Variants in BRD4 observed in about 807,000 individuals in gnomAD.
BRD4 encodes the protein bromodomain containing 4, also known as bromodomain-containing protein 4.
In BRD4, 16 loss-of-function variants were observed where a neutral mutation model predicts 142.1. That is an observed-to-expected ratio of 0.11 (90% CI 0.08 to 0.17). BRD4 has a LOEUF of 0.17. Among genes scored for constraint, BRD4 ranks in the 10% least tolerant of loss-of-function variants. The pLI is 1.00. For missense variants in BRD4, 1,424 were observed against 1,810.9 expected (o/e 0.79, Z 3.88); for synonymous variants, 833 against 707.5 (o/e 1.18, Z -2.82).
intron 11 of BRD4, among the ~76,000 whole-genome samples, chr19:15,246,854 G>A (rs955481950): frequency 6.6e-6 from 1 of 152,136 alleles, no homozygotes; most frequent in Admixed American, 6.5e-5. Flanking sequence ...AGAGAAGGCG[G>A]CATGTGCACG....
Position 15,328,765 on chromosome 19 carries a change from T to C in BRD4, c.-35+3525A>G, listed in dbSNP as rs2048131526. 2.6e-5 allele frequency among the ~76,000 whole-genome samples: 4 copies of C among 152,136 alleles called. No homozygotes were observed. The South Asian group carries it at 8.3e-4, about 32-fold the overall frequency. On this transcript the variant is annotated intron_variant, in intron 1 of 19. Transcript: ENST00000679869. The stretch of plus-strand genomic sequence containing the variant: ...AACAAAACCCTGCCCTCATCCAACT[T>C]ACATTCTGGTTTTGTTTTTTGTTTT...
chr19:15,296,731 C>CT lies in BRD4; in HGVS notation c.-34-23599dup, dbSNP rs754025680. ...AGCACCACTCCGTCCAGCGGCAGAG[C>CT]TTTAAGTTGGAAAATCCAGGGGCAT... On this transcript the variant is annotated intron_variant, in intron 1 of 19. Coordinates refer to ENST00000679869, the MANE Select transcript of BRD4 (RefSeq NM_001379291.1). Among the ~76,000 whole-genome samples, 299 of 152,310 alleles carry CT rather than the reference C, an allele frequency of 2.0e-3. 2 individuals are homozygous for CT. The Middle Eastern group carries it at 0.048, about 24-fold the overall frequency.
At chr19:15,289,792 G>A (rs368339740) in intron 1 of BRD4, among the ~76,000 whole-genome samples, 1 of 152,158 alleles carries the variant, frequency 6.6e-6, no homozygotes. Context: ...AAGTGTGCTT[G>A]TAAGGACACT....
intron 9 of BRD4, 55 bp from the exon 10 acceptor site, chr19:15,255,647 C>A: frequency 6.5e-7 from 1 of 1,538,128 alleles, no homozygotes; most frequent in South Asian, 1.3e-5. Context: ...GGAAGCCAGG[C>A]ACTCATTCCT....
intron 1 of BRD4, among the ~76,000 whole-genome samples, chr19:15,274,275 G>A (rs1175675740): frequency 6.6e-6 from 1 of 152,146 alleles, no homozygotes; most frequent in African/African-American, 2.4e-5. Context: ...AAGTCAGTGG[G>A]GTTTAAACCC....
intron 1 of BRD4, among the ~76,000 whole-genome samples, chr19:15,290,772 C>T (rs563786202): frequency 6.6e-6 from 1 of 152,060 alleles, no homozygotes; most frequent in Non-Finnish European, 1.5e-5. Context: ...CCCATATGTA[C>T]GAAAACCTAA....
intron 1 of BRD4, among the ~76,000 whole-genome samples, chr19:15,277,621 A>C (rs929976146): frequency 3.1e-5 from 3 of 96,360 alleles, no homozygotes; most frequent in Non-Finnish European, 4.5e-5. Context: ...ATCTCTACCA[A>C]AAAAAAAAAA....
intron 4 of BRD4, among the ~76,000 whole-genome samples, chr19:15,266,610 A>G (rs2063395655): frequency 6.6e-6 from 1 of 152,194 alleles, no homozygotes; most frequent in South Asian, 2.1e-4. Flanking sequence ...TCTGATAGGT[A>G]CAAGAGCCAC....
chr19:15,289,507 C>T (rs926346282), intron 1 of BRD4, among the ~76,000 whole-genome samples: 1 of 152,060 alleles, frequency 6.6e-6, no homozygotes, highest in African/African-American at 2.4e-5. Context: ...GCCGAGATCG[C>T]GCCACTGCAC....
Position 15,237,631 on chromosome 19 carries a change from G to GAAAA in BRD4, c.*742_*745dup. ...ACAAAAAATATATATAGAAAAAAAA[G>GAAAA]AAAAAAAAAAACGAAACAGAAACAC... On this transcript the variant is annotated 3_prime_UTR_variant, in exon 20 of 20. Coordinates refer to ENST00000679869, the MANE Select transcript of BRD4 (RefSeq NM_001379291.1). 5.4e-6 allele frequency: 1 copy of GAAAA among 185,512 alleles called. No individual in the cohort carries two copies. Among genetic ancestry groups the GAAAA allele is most frequent in the Non-Finnish European group, 1.1e-5 (1 of 91,830 alleles). 11.5% of individuals were successfully genotyped at this position (185,512 alleles called of 1,614,324 possible). A position where few individuals can be genotyped will look rare whatever the true frequency, so the allele number is the denominator to read the frequency against.
intron 11 of BRD4, chr19:15,253,795 C>G (rs2145563754): frequency 6.3e-7 from 1 of 1,591,946 alleles, no homozygotes; most frequent in Non-Finnish European, 8.5e-7. Flanking sequence ...TGGGTGTGGT[C>G]ACATCAAGGT....
chr19:15,275,521 A>G (rs1278641971), intron 1 of BRD4: 2 of 152,246 alleles, frequency 1.3e-5, no homozygotes, highest in African/African-American at 2.4e-5. Context: ...CACACACATC[A>G]GAAGTGTCCA....
At chr19:15,310,277 G>C (rs1303160849) in intron 1 of BRD4, among the ~76,000 whole-genome samples, 1 of 134,256 alleles carries the variant, frequency 7.4e-6, no homozygotes, top group South Asian at 2.5e-4. Context: ...GCAATGGCGT[G>C]ATCTCAGCTC....
chr19:15,297,497 G>A (rs377323914), intron 1 of BRD4, among the ~76,000 whole-genome samples: 14 of 152,040 alleles, frequency 9.2e-5, no homozygotes, highest in Admixed American at 5.9e-4. Flanking sequence ...GGGGTACTGC[G>A]GTTGCTTTTC....
rs778431505 is a variant in BRD4 at position 15,255,328 on chromosome 19, G to A, written c.2016C>T (p.Thr672=). Residue 672 remains threonine (T), a synonymous_variant, in exon 10 of 20, where the codon ACC becomes ACT. Transcript: ENST00000679869. The part of the protein sequence containing the change: ...STLRELERYV[T]SCLRKKRKPQ... ...GTTTCCTTTTCTTCCGCAAACAGGA[G>A]GTGACATAGCGCTCCAGCTCACGCA... 1.9e-6 allele frequency: 3 copies of A among 1,613,818 alleles called. No homozygotes were observed. Among genetic ancestry groups the A allele is most frequent in the East Asian group, 4.5e-5 (2 of 44,862 alleles).
At chr19:15,248,937 G>A (rs2047316170) in intron 11 of BRD4, 1 of 448,176 alleles carries the variant, frequency 2.2e-6, no homozygotes, top group African/African-American at 1.9e-5. Flanking sequence ...ACACAGAGTA[G>A]CACCACATGA....
At chr19:15,287,784 T>TTC (rs2047751398) in intron 1 of BRD4, among the ~76,000 whole-genome samples, 1 of 152,128 alleles carries the variant, frequency 6.6e-6, no homozygotes, top group Admixed American at 6.5e-5. Context: ...TTTCTTTTTT[T>TTC]TTTTTGAGAC....
intron 1 of BRD4, among the ~76,000 whole-genome samples, chr19:15,277,967 A>G (rs1438722669): frequency 1.3e-5 from 2 of 151,826 alleles, no homozygotes; most frequent in African/African-American, 2.4e-5. Flanking sequence ...TTAGCCAGGC[A>G]TGGCAGCGGG....
At chr19:15,246,958 A>G (rs2047293341) in intron 11 of BRD4, 1 of 177,360 alleles carries the variant, frequency 5.6e-6, no homozygotes, top group Non-Finnish European at 1.2e-5. Context: ...AGTTACCAGT[A>G]AAAGACAAGA....
Sources: gnomAD v4.1 joint callset for allele counts (sites outside exome capture counted in the v4.1 genomes callset) on GRCh38, gnomAD v4.1.1 for gene constraint, MANE v1.5 for transcripts, NCBI Gene and HGNC (gene_info 2026-07-23, HGNC 2026-07-21) for gene names.